Variants in P4HA1 observed in about 807,000 individuals in gnomAD.
P4HA1 encodes the protein prolyl 4-hydroxylase subunit alpha 1.
P4HA1 carries 24 observed loss-of-function variants against 72.8 expected under a neutral mutation model. The ratio of observed to expected loss-of-function variants is 0.33; its 90% CI spans 0.24 to 0.46. The LOEUF (loss-of-function observed/expected upper bound fraction) is 0.46, where lower values mean the gene tolerates loss of function less well. P4HA1 is among the 20% of genes least tolerant of loss of function. The probability of loss-of-function intolerance (pLI) is 1.00; values close to 1 mark genes in which losing one functional copy is unlikely to be tolerated. For missense variants in P4HA1, 446 were observed against 640.6 expected (o/e 0.70, Z 3.28); for synonymous variants, 201 against 218.8 (o/e 0.92, Z 0.72).
Position 73,016,943 on chromosome 10 carries a change from T to C in P4HA1, c.1249-44A>G, listed in dbSNP as rs1840018478. 5 of 1,497,592 alleles carry C rather than the reference T, an allele frequency of 3.3e-6. No individual in the cohort carries two copies. The East Asian group carries it at 1.1e-4, about 34-fold the overall frequency. 92.8% of individuals were successfully genotyped at this position (1,497,592 alleles called of 1,614,324 possible). On this transcript the variant is annotated intron_variant, in intron 10 of 14. Coordinates refer to ENST00000394890, the MANE Select transcript of P4HA1 (RefSeq NM_001017962.3). ...GCATGAAAGAAAAGAACTATAAAGA[T>C]TACTATTCAAAAAAAATCTATGAAC...
chr10:73,077,421 T>C (rs1841723947), intron 1 of P4HA1, among the ~76,000 whole-genome samples: 1 of 152,174 alleles, frequency 6.6e-6, no homozygotes, highest in Non-Finnish European at 1.5e-5. Context: ...TCACAAGGAA[T>C]TAAAAACCAT....
chr10:73,093,572 G>T (rs1214092155), intron 1 of P4HA1, among the ~76,000 whole-genome samples: 1 of 151,948 alleles, frequency 6.6e-6, no homozygotes, highest in Non-Finnish European at 1.5e-5. Flanking sequence ...GGGCACGGTG[G>T]CGTGATCACA....
At position 73,047,002 on chromosome 10, in the gene P4HA1, T is replaced by G. The variant is rs754062605; in HGVS notation, c.1000A>C (p.Lys334Gln). The G allele has an allele frequency of 1.3e-5, 21 of 1,612,860 alleles. No homozygotes were observed. The highest frequency in any genetic ancestry group is 1.7e-5 in the Non-Finnish European group (20 of 1,178,998). The stretch of plus-strand genomic sequence containing the variant: ...TCATGGAAGCGAATAATACGAGGCT[T>G]GTCCCATTCATCCTCCTGTTTAGCT... ...APAKQEDEWD[K>Q]PRIIRFHDII... is the part of the protein sequence containing the mutation. The change falls in exon 8 of 15, where the codon AAG (lysine) becomes CAG (glutamine). Residue 334 changes from lysine (K) to glutamine (Q), a missense_variant. Lys to Gln is a moderately conservative substitution (Grantham distance 53, BLOSUM62 1). Transcript: ENST00000394890.
At chr10:73,044,051 A>C in intron 9 of P4HA1, 1 of 861,318 alleles carries the variant, frequency 1.2e-6, no homozygotes, top group Non-Finnish European at 1.9e-6. Context: ...AGGTGATTGG[A>C]AGGGTTCAGA....
rs201562432 is a variant in P4HA1, at chr10:73,011,048, C to T, written c.1369-11G>A. ...AGACACATCACTCATCTATAAGAAACAAGAGGGTGTTATCAAAAGTGCTGG... is the reference window on the plus strand; with the variant it reads ...AGACACATCACTCATCTATAAGAAATAAGAGGGTGTTATCAAAAGTGCTGG... On this transcript the variant is annotated splice_polypyrimidine_tract_variant and intron_variant, in intron 12 of 14. Transcript: ENST00000394890. The T allele has an allele frequency of 1.2e-6, 2 of 1,607,056 alleles. No homozygotes were observed. The highest frequency in any genetic ancestry group is 1.7e-6 in the Non-Finnish European group (2 of 1,174,848).
chr10:73,022,460 A>C (rs1840159483), intron 10 of P4HA1, among the ~76,000 whole-genome samples: 1 of 152,058 alleles, frequency 6.6e-6, no homozygotes, highest in African/African-American at 2.4e-5. Context: ...ATCAACAAAA[A>C]GGTCATCTAC....
chr10:73,018,841 G>A (rs1008439335), intron 10 of P4HA1, among the ~76,000 whole-genome samples: 42 of 151,868 alleles, frequency 2.8e-4, no homozygotes, highest in African/African-American at 1.0e-3. Context: ...GCAGCTAGAG[G>A]GTGCCTCAGA....
chr10:73,075,033 T>C (rs1841664605), intron 1 of P4HA1, 118 bp from the exon 2 acceptor site: 1 of 556,370 alleles, frequency 1.8e-6, no homozygotes, highest in Non-Finnish European at 3.2e-6. Flanking sequence ...ATAAAATTGA[T>C]GTTAGTTATT....
rs1302367660 is a variant in P4HA1, at chr10:73,034,585, GT to G, written c.1149-4216del. ...TTATTTCACTTAACATGTGTGTGTG[GT>G]TTTTTTTTTTTTTTTTGGAGACAGG... On this transcript the variant is annotated intron_variant, in intron 9 of 14. Transcript: ENST00000394890. Among the ~76,000 whole-genome samples, 591 of 134,956 alleles carry G rather than the reference GT, an allele frequency of 4.4e-3. 1 individual carries two copies. The highest frequency in any genetic ancestry group is 5.0e-3 in the Non-Finnish European group (309 of 61,890). The allele number at this position is 134,956 out of a possible 152,430, so 88.5% of individuals were successfully genotyped here. A position where few individuals can be genotyped will look rare whatever the true frequency, so the allele number is the denominator to read the frequency against.
Position 73,008,124 on chromosome 10 carries a change from G to C in P4HA1, c.*98C>G. 7.1e-6 allele frequency: 5 copies of C among 703,914 alleles called. No homozygotes were observed. In the South Asian group the frequency reaches 9.2e-5, roughly 13 times the overall value. The allele number at this position is 703,914 out of a possible 1,614,324, so 43.6% of individuals were successfully genotyped here. A position where few individuals can be genotyped will look rare whatever the true frequency, so the allele number is the denominator to read the frequency against. On this transcript the variant is annotated 3_prime_UTR_variant, in exon 15 of 15. Transcript: ENST00000394890. The stretch of plus-strand genomic sequence containing the variant: ...GGTTCATGACTGAATCAATCATGGA[G>C]TGTTAGTCAATTGTAAACTCCTGAA...
intron 9 of P4HA1, among the ~76,000 whole-genome samples, chr10:73,034,574 ATG>A (rs1840520296): frequency 6.8e-6 from 1 of 147,768 alleles, no homozygotes; most frequent in African/African-American, 2.5e-5. Context: ...TTCACTTAAC[ATG>A]TGTGTGTGGT....
intron 10 of P4HA1, among the ~76,000 whole-genome samples, chr10:73,027,981 A>G (rs1840331258): frequency 6.6e-6 from 1 of 152,142 alleles, no homozygotes. Flanking sequence ...TCAGGTTTGC[A>G]TTCCCAACAT....
chr10:73,085,297 C>T (rs1311216518), intron 1 of P4HA1, among the ~76,000 whole-genome samples: 2 of 151,886 alleles, frequency 1.3e-5, no homozygotes, highest in Admixed American at 6.6e-5. Context: ...TTCAAGAAAG[C>T]GAAGACAATG....
chr10:73,066,430 T>C (rs57602811), intron 5 of P4HA1, among the ~76,000 whole-genome samples: 10,733 of 152,176 alleles, frequency 0.071, 640 homozygotes, highest in East Asian at 0.3. Flanking sequence ...AATATAATCA[T>C]TTTTTAAACA....
chr10:73,031,223 C>T (rs1840425326), intron 9 of P4HA1, among the ~76,000 whole-genome samples: 1 of 152,302 alleles, frequency 6.6e-6, no homozygotes, highest in South Asian at 2.1e-4. Flanking sequence ...GTGGCTCATG[C>T]CTGTAATCCC....
chr10:73,043,121 C>T (rs976242427), intron 9 of P4HA1, among the ~76,000 whole-genome samples: 3 of 152,052 alleles, frequency 2.0e-5, no homozygotes, highest in African/African-American at 7.2e-5. Flanking sequence ...AATTATTATT[C>T]ACATTTGTTA....
intron 5 of P4HA1, among the ~76,000 whole-genome samples, chr10:73,066,580 T>C (rs944408045): frequency 8.5e-5 from 13 of 152,110 alleles, no homozygotes; most frequent in Non-Finnish European, 2.9e-5. Flanking sequence ...TGTAGTGGCG[T>C]GATCACAGCT....
At chr10:73,027,466 G>A (rs1397587400) in intron 10 of P4HA1, among the ~76,000 whole-genome samples, 1 of 150,960 alleles carries the variant, frequency 6.6e-6, no homozygotes, top group African/African-American at 2.4e-5. Flanking sequence ...GGGGCTGGGG[G>A]AGGAATAGCA....
intron 1 of P4HA1, among the ~76,000 whole-genome samples, chr10:73,093,907 T>TATATATATACAC (rs1256283876): frequency 4.0e-4 from 22 of 55,604 alleles, no homozygotes; most frequent in African/African-American, 1.9e-3. Flanking sequence ...TATATATATA[T>TATATATATACAC]ACACACACAC....
Sources: allele counts gnomAD v4.1 joint callset (sites outside exome capture counted in the v4.1 genomes callset), GRCh38; gene constraint gnomAD v4.1.1; transcripts MANE v1.5; gene names NCBI Gene and HGNC (gene_info 2026-07-23, HGNC 2026-07-21).